RIN3: variants seen among roughly 807,000 people sequenced by gnomAD.
The protein encoded by RIN3 is Ras and Rab interactor 3, also known as RAB5 interacting protein 3.
Under a neutral mutation model 76.3 loss-of-function variants are expected in RIN3, and 54 were observed. That is an observed-to-expected ratio of 0.71 (90% confidence interval 0.57 to 0.89). RIN3 has a LOEUF of 0.89. Among genes scored for constraint, RIN3 ranks in the 40% least tolerant of loss-of-function variants. RIN3 has a pLI of 0.00. For missense variants in RIN3, 1,256 were observed against 1,322.1 expected, an observed-to-expected ratio of 0.95 and a Z score of 0.78; for synonymous variants, 576 against 564.0, an observed-to-expected ratio of 1.02 and a Z score of -0.30.
intron 7 of RIN3, among the ~76,000 whole-genome samples, chr14:92,665,465 T>G (rs1436629312): frequency 1.4e-5 from 2 of 138,170 alleles, no homozygotes; most frequent in Non-Finnish European, 3.0e-5. Context: ...TGCAAGCTCC[T>G]CCTCCCGGGG....
In RIN3 at chr14:92,651,573, C is replaced by G; in HGVS notation, c.533-9C>G. On this transcript the variant is annotated splice_polypyrimidine_tract_variant and intron_variant, in intron 5 of 9. Coordinates refer to ENST00000216487, the MANE Select transcript of RIN3 (RefSeq NM_024832.5). ...AGACTGACCCCCTGCCCCTCTCTTG[C>G]TTCCACAGGTTTCTGGGACTCCTCG... The G allele has an allele frequency of 7.2e-7, 1 of 1,380,602 alleles. No individual in the cohort carries two copies. The highest frequency in any genetic ancestry group is 9.7e-7 in the Non-Finnish European group (1 of 1,033,518). The allele number at this position is 1,380,602 out of a possible 1,614,324, so 85.5% of individuals were successfully genotyped here.
chr14:92,685,747 A>T lies in RIN3; in HGVS notation c.2631+597A>T, dbSNP rs1888830340. On this transcript the variant is annotated intron_variant, in intron 9 of 9. Transcript: ENST00000216487. The surrounding 1 kb of genome is among the most constrained non-coding windows in gnomAD (Gnocchi z 4.7). Reference sequence around the variant, plus strand: ...GCCCAGCCCAGTTCACTGGCTGCTCAACCGCTGCCCTCACTGGTCAATCTC... The same window carrying T: ...GCCCAGCCCAGTTCACTGGCTGCTCTACCGCTGCCCTCACTGGTCAATCTC... The T allele has an allele frequency of 7.1e-6, 1 of 141,434 alleles. No homozygotes were observed. The highest frequency in any genetic ancestry group is 1.5e-5 in the Non-Finnish European group (1 of 66,842). 8.8% of individuals were successfully genotyped at this position (141,434 alleles called of 1,614,324 possible). A position where few individuals can be genotyped will look rare whatever the true frequency, so the allele number is the denominator to read the frequency against.
At chr14:92,587,012 G>C (rs977441565) in intron 3 of RIN3, among the ~76,000 whole-genome samples, 1 of 152,200 alleles carries the variant, frequency 6.6e-6, no homozygotes, top group Non-Finnish European at 1.5e-5. Context: ...GAACTCTGTT[G>C]GGGGAGAGGT....
At chr14:92,663,437 G>A (rs1427475745) in intron 7 of RIN3, among the ~76,000 whole-genome samples, 1 of 152,204 alleles carries the variant, frequency 6.6e-6, no homozygotes, top group East Asian at 1.9e-4. Context: ...TCCTCAGCAG[G>A]CAAGAGGGAG....
chr14:92,540,028 C>A (rs986465203), intron 1 of RIN3, among the ~76,000 whole-genome samples: 1 of 152,160 alleles, frequency 6.6e-6, no homozygotes, highest in Non-Finnish European at 1.5e-5. Flanking sequence ...GTAGGGACAG[C>A]GGGGCACCTA....
At chr14:92,570,035 T>C (rs910651393) in intron 2 of RIN3, among the ~76,000 whole-genome samples, 3 of 152,238 alleles carry the variant, frequency 2.0e-5, no homozygotes, top group African/African-American at 7.2e-5. Context: ...CCATCCCTGA[T>C]ACCTAAAGAT....
At chr14:92,624,449 A>G (rs1175459823) in intron 4 of RIN3, among the ~76,000 whole-genome samples, 4 of 152,182 alleles carry the variant, frequency 2.6e-5, no homozygotes, top group African/African-American at 9.7e-5. Flanking sequence ...GGGAGGGGCA[A>G]TTCCTTTAGT....
intron 2 of RIN3, among the ~76,000 whole-genome samples, chr14:92,570,818 A>G (rs1386878210): frequency 6.6e-6 from 1 of 152,222 alleles, no homozygotes; most frequent in Non-Finnish European, 1.5e-5. Context: ...GCAGAGACAG[A>G]GAAGTTTTAG....
intron 8 of RIN3, among the ~76,000 whole-genome samples, chr14:92,680,617 T>G (rs1245384933): frequency 6.6e-6 from 1 of 152,108 alleles, no homozygotes; most frequent in Non-Finnish European, 1.5e-5. Flanking sequence ...GATTTCAACA[T>G]AGGATCTGGG....
intron 4 of RIN3, among the ~76,000 whole-genome samples, chr14:92,638,607 CCA>C (rs920363432): frequency 6.6e-6 from 1 of 152,168 alleles, no homozygotes; most frequent in Non-Finnish European, 1.5e-5. Flanking sequence ...CACTGACAGG[CCA>C]CCACGTAACT....
chr14:92,631,114 A>T (rs1266363704), intron 4 of RIN3, among the ~76,000 whole-genome samples: 1 of 152,182 alleles, frequency 6.6e-6, no homozygotes, highest in African/African-American at 2.4e-5. Context: ...CCTGGCGTTT[A>T]GTTAGACATG....
At chr14:92,583,330 C>T (rs187757577) in intron 3 of RIN3, among the ~76,000 whole-genome samples, 118 of 152,352 alleles carry the variant, frequency 7.7e-4, no homozygotes, top group Non-Finnish European at 1.4e-3. Context: ...TGACCACTTC[C>T]GTTTCCATGT....
intron 9 of RIN3, chr14:92,687,655 A>G: frequency 2.1e-6 from 1 of 485,850 alleles, no homozygotes; most frequent in East Asian, 3.8e-5. Flanking sequence ...GTGGACCAGC[A>G]GCCAGGGGAC....
chr14:92,628,966 T>G (rs1246974335), intron 4 of RIN3, among the ~76,000 whole-genome samples: 1 of 151,124 alleles, frequency 6.6e-6, no homozygotes, highest in East Asian at 1.9e-4. Context: ...GAAAAAAAAA[T>G]GAAAAAGACC....
At chr14:92,587,338 G>A (rs1177104664) in intron 3 of RIN3, among the ~76,000 whole-genome samples, 5 of 152,222 alleles carry the variant, frequency 3.3e-5, no homozygotes, top group African/African-American at 7.2e-5. Context: ...GGCAGGCCCT[G>A]GGGCAGCCAT....
At chr14:92,595,369 A>T (rs540841386) in intron 3 of RIN3, among the ~76,000 whole-genome samples, 5 of 152,362 alleles carry the variant, frequency 3.3e-5, no homozygotes, top group Admixed American at 6.5e-5. Context: ...CAAGTGCTTT[A>T]TTGTTCTCAC....
rs1054968960 is a variant in RIN3, at chr14:92,681,470, C to T, written c.2468-3517C>T. ...TCCGAAGCCCTGTACTTTACACATACTCATTTCCTTTTCACAACTTTATGA... is the reference window on the plus strand; with the variant it reads ...TCCGAAGCCCTGTACTTTACACATATTCATTTCCTTTTCACAACTTTATGA... On this transcript the variant is annotated intron_variant, in intron 8 of 9. Coordinates refer to ENST00000216487, the MANE Select transcript of RIN3 (RefSeq NM_024832.5). This position sits in a 1 kb window ranked among gnomAD's most constrained non-coding sequence, Gnocchi z 4.7. 6.6e-6 allele frequency among the ~76,000 whole-genome samples: 1 copy of T among 152,236 alleles called. No individual in the cohort carries two copies. The highest frequency in any genetic ancestry group is 2.4e-5 in the African/African-American group (1 of 41,460).
intron 1 of RIN3, chr14:92,515,250 G>A (rs1230182179): frequency 1.0e-5 from 7 of 700,018 alleles, no homozygotes; most frequent in Non-Finnish European, 1.6e-5. Context: ...CTGGGAATCC[G>A]TTGGGGAAGA....
chr14:92,548,261 T>C (rs143748680), intron 1 of RIN3, among the ~76,000 whole-genome samples: 59 of 151,818 alleles, frequency 3.9e-4, no homozygotes, highest in Non-Finnish European at 7.4e-4. Context: ...GCTGGAAGAG[T>C]AGAGTGGTTA....
Sources: allele counts gnomAD v4.1 joint callset (sites outside exome capture counted in the v4.1 genomes callset), GRCh38; gene constraint gnomAD v4.1.1; non-coding constraint Gnocchi (gnomAD v3.1); transcripts MANE v1.5; gene names NCBI Gene and HGNC (gene_info 2026-07-23, HGNC 2026-07-21).